Variants in COBLL1 observed in about 807,000 individuals in gnomAD.
COBLL1 encodes the protein cordon-bleu WH2 repeat protein like 1, also known as cordon-bleu protein-like 1.
Under a neutral mutation model 94.8 loss-of-function variants are expected in COBLL1, and 50 were observed. That is an observed-to-expected ratio of 0.53 (90% CI 0.42 to 0.67). COBLL1 has a LOEUF of 0.67. Ranked by LOEUF, COBLL1 falls within the 30% of genes least tolerant of loss-of-function variation. The pLI, the probability that COBLL1 is intolerant of heterozygous loss-of-function variation, is 0.00. For synonymous variants in COBLL1, 448 were observed against 473.8 expected, an observed-to-expected ratio of 0.95 and a Z score of 0.71; for missense variants, 1,362 against 1,348.7, an observed-to-expected ratio of 1.01 and a Z score of -0.15.
At position 164,765,923 on chromosome 2, in the gene COBLL1, A is replaced by G. The variant is rs576819147; in HGVS notation, c.42-22048T>C. Among the ~76,000 whole-genome samples, 4 of 151,924 alleles carry G rather than the reference A, an allele frequency of 2.6e-5. No individual in the cohort carries two copies. In the East Asian group the frequency reaches 5.8e-4, roughly 22 times the overall value. ...GTGCTTTAAATAAGCCAAGATCATA[A>G]TTTTTTTCTTTCTAATATCTCTGCT... On this transcript the variant is annotated intron_variant, in intron 2 of 13. Transcript: ENST00000652658.
chr2:164,840,889 C>T (rs529273259), intron 2 of COBLL1: 5 of 375,308 alleles, frequency 1.3e-5, no homozygotes, highest in Non-Finnish European at 2.4e-5. Context: ...CTCCCGGACT[C>T]CTCACCCAAT....
intron 9 of COBLL1, chr2:164,703,104 A>G: frequency 6.3e-7 from 1 of 1,596,840 alleles, no homozygotes; most frequent in Non-Finnish European, 8.6e-7. Context: ...GACCACCTAC[A>G]TGTCAATGAT....
chr2:164,729,861 G>C lies in COBLL1; in HGVS notation c.432+53C>G. The C allele has an allele frequency of 3.5e-6, 5 of 1,438,588 alleles. 1 individual carries two copies. In the South Asian group the frequency reaches 3.5e-5, roughly 10 times the overall value. 89.1% of individuals were successfully genotyped at this position (1,438,588 alleles called of 1,614,324 possible). A position where few individuals can be genotyped will look rare whatever the true frequency, so the allele number is the denominator to read the frequency against. ...AGTCCATTTTTATTTCACTTACAAT[G>C]AGCTGCTGATAATGACTGAATAAGA... On this transcript the variant is annotated intron_variant, in intron 4 of 13. Transcript: ENST00000652658.
Position 164,743,788 on chromosome 2 carries a change from A to G in COBLL1, c.129T>C (p.Thr43=), listed in dbSNP as rs773781163. 5 of 1,613,184 alleles carry G rather than the reference A, an allele frequency of 3.1e-6. No individual in the cohort carries two copies. The African/African-American group carries it at 6.7e-5, about 22-fold the overall frequency. Residue 43 remains threonine, a synonymous_variant, in exon 3 of 14, where the codon ACT becomes ACC. Coordinates refer to ENST00000652658, the MANE Select transcript of COBLL1 (RefSeq NM_001365672.2). The part of the protein sequence containing the change: ...VSSAADSVES[T]AFIMEQKENM... The stretch of plus-strand genomic sequence containing the variant: ...TTTCTTTCTGTTCCATGATGAAAGC[A>G]GTGGATTCTACAGAATCAGCAGCTG...
intron 2 of COBLL1, chr2:164,800,686 T>C (rs1362024080): frequency 1.6e-6 from 1 of 631,944 alleles, no homozygotes; most frequent in African/African-American, 1.8e-5. Flanking sequence ...ATAAAGAAAC[T>C]GCAGTACATC....
rs1175320367 is a variant in COBLL1, at chr2:164,682,448, G to A, written c.*3498C>T. 1.3e-5 allele frequency: 2 copies of A among 152,156 alleles called. No homozygotes were observed. Among genetic ancestry groups the A allele is most frequent in the African/African-American group, 2.4e-5 (1 of 41,432 alleles). The allele number at this position is 152,156 out of a possible 1,614,324, so 9.4% of individuals were successfully genotyped here. On this transcript the variant is annotated 3_prime_UTR_variant, in exon 14 of 14. Coordinates refer to ENST00000652658, the MANE Select transcript of COBLL1 (RefSeq NM_001365672.2). The stretch of plus-strand genomic sequence containing the variant: ...CATACATAATTGTATCAATTGGGAC[G>A]CTTTGGGTTTTAAGCACCTATAAGT...
intron 2 of COBLL1, among the ~76,000 whole-genome samples, chr2:164,757,903 C>G (rs746572639): frequency 6.6e-6 from 1 of 151,774 alleles, no homozygotes; most frequent in Non-Finnish European, 1.5e-5. Flanking sequence ...TCCTAAATAT[C>G]TTACAGGGGA....
At chr2:164,718,471 G>A (rs1000670970) in intron 7 of COBLL1, among the ~76,000 whole-genome samples, 4 of 151,974 alleles carry the variant, frequency 2.6e-5, no homozygotes, top group Non-Finnish European at 5.9e-5. Flanking sequence ...TGTAGTATAT[G>A]GCCACCTGAG....
chr2:164,768,607 A>G (rs1433070652), intron 2 of COBLL1, among the ~76,000 whole-genome samples: 2 of 152,156 alleles, frequency 1.3e-5, no homozygotes, highest in Non-Finnish European at 2.9e-5. Flanking sequence ...TATCTGGGGA[A>G]GAAATGATCC....
chr2:164,820,902 T>C (rs1685136536), intron 2 of COBLL1, among the ~76,000 whole-genome samples: 1 of 152,312 alleles, frequency 6.6e-6, no homozygotes, highest in East Asian at 1.9e-4. Context: ...TTTTGTTTTG[T>C]TTTGAGATGG....
In COBLL1 at chr2:164,680,776, C is replaced by A. The variant is rs1363326691; in HGVS notation, c.*5170G>T. On this transcript the variant is annotated 3_prime_UTR_variant, in exon 14 of 14. Coordinates refer to ENST00000652658, the MANE Select transcript of COBLL1 (RefSeq NM_001365672.2). The stretch of plus-strand genomic sequence containing the variant: ...TACTAAAAAAAAATTTGTTGTTTAT[C>A]CGAAGTTCAAATTTAACTGGGCATT... The A allele has an allele frequency of 6.6e-6, 1 of 151,950 alleles. No individual in the cohort carries two copies. Among genetic ancestry groups the A allele is most frequent in the Admixed American group, 6.6e-5 (1 of 15,240 alleles). 9.4% of individuals were successfully genotyped at this position (151,950 alleles called of 1,614,324 possible). A position where few individuals can be genotyped will look rare whatever the true frequency, so the allele number is the denominator to read the frequency against.
At chr2:164,818,463 T>C (rs892974474) in intron 2 of COBLL1, among the ~76,000 whole-genome samples, 25 of 149,780 alleles carry the variant, frequency 1.7e-4, no homozygotes, top group Admixed American at 1.6e-3. Flanking sequence ...ATTGTATACA[T>C]ATACACATAT....
intron 7 of COBLL1, among the ~76,000 whole-genome samples, chr2:164,720,808 C>A (rs1179194694): frequency 1.3e-5 from 2 of 152,144 alleles, no homozygotes; most frequent in Non-Finnish European, 2.9e-5. Flanking sequence ...ACTCAAGAAT[C>A]ATCTCTCCGT....
Position 164,799,019 on chromosome 2 carries a change from C to CAAAAAAA in COBLL1, c.41+42130_41+42136dup, listed in dbSNP as rs555113117. Among the ~76,000 whole-genome samples the CAAAAAAA allele has an allele frequency of 1.2e-3, 87 of 69,740 alleles. 11 individuals are homozygous for CAAAAAAA. The highest frequency in any genetic ancestry group is 4.4e-3 in the East Asian group (10 of 2,262). 45.8% of individuals were successfully genotyped at this position (69,740 alleles called of 152,430 possible). On this transcript the variant is annotated intron_variant, in intron 2 of 13. Transcript: ENST00000652658. ...TGGGTGACAGAGCAAGACTCCGTCT[C>CAAAAAAA]AAAAAAAAAAAAAAAAAAAGAGGGG...
At chr2:164,732,869 C>T (rs764653795) in intron 3 of COBLL1, among the ~76,000 whole-genome samples, 7 of 152,180 alleles carry the variant, frequency 4.6e-5, no homozygotes, top group South Asian at 2.1e-4. Context: ...TCCTGGCTAA[C>T]GTGGTGAAAC....
At chr2:164,807,921 G>T (rs1338027361) in intron 2 of COBLL1, among the ~76,000 whole-genome samples, 1 of 152,094 alleles carries the variant, frequency 6.6e-6, no homozygotes, top group Non-Finnish European at 1.5e-5. Flanking sequence ...CCAGGTTCAA[G>T]CAATTCTTGT....
At chr2:164,783,967 A>G (rs770936000) in intron 2 of COBLL1, among the ~76,000 whole-genome samples, 28 of 152,116 alleles carry the variant, frequency 1.8e-4, no homozygotes, top group Non-Finnish European at 3.4e-4. Context: ...CCCTGTCTCA[A>G]TCAATCAGTT....
chr2:164,734,312 G>C (rs1003226166), intron 3 of COBLL1, among the ~76,000 whole-genome samples: 1 of 151,844 alleles, frequency 6.6e-6, no homozygotes, highest in East Asian at 1.9e-4. Context: ...TCTGCGGAAA[G>C]ATAGCTTTGA....
chr2:164,664,726 GAAATT>G (rs1691127123), intron 2 of COBLL1, among the ~76,000 whole-genome samples: 1 of 152,100 alleles, frequency 6.6e-6, no homozygotes, highest in Non-Finnish European at 1.5e-5. Flanking sequence ...TAAATAAAAA[GAAATT>G]AAAAGCATTT....
Sources: gnomAD v4.1 joint callset for allele counts (sites outside exome capture counted in the v4.1 genomes callset) on GRCh38, gnomAD v4.1.1 for gene constraint, MANE v1.5 for transcripts, NCBI Gene and HGNC (gene_info 2026-07-23, HGNC 2026-07-21) for gene names.